FBXL20: variants seen among roughly 807,000 people sequenced by gnomAD.
FBXL20 encodes the protein F-box and leucine rich repeat protein 20.
Under a neutral mutation model 64.0 loss-of-function variants are expected in FBXL20, and 11 were observed. The observed-to-expected ratio is 0.17, with a 90% confidence interval of 0.11 to 0.28. The LOEUF is 0.28. Among genes scored for constraint, FBXL20 ranks in the 10% least tolerant of loss-of-function variants. The pLI is 1.00. For synonymous variants in FBXL20, 184 were observed against 189.0 expected, an observed-to-expected ratio of 0.97 and a Z score of 0.22; for missense variants, 303 against 526.2, an observed-to-expected ratio of 0.58 and a Z score of 4.15.
chr17:39,362,305 A>C (rs1163058081), intron 1 of FBXL20, among the ~76,000 whole-genome samples: 2 of 151,810 alleles, frequency 1.3e-5, no homozygotes, highest in Non-Finnish European at 2.9e-5. Flanking sequence ...AAAAAAAAGA[A>C]AAATGCTTTC....
At chr17:39,364,453 A>G (rs926383374) in intron 1 of FBXL20, among the ~76,000 whole-genome samples, 4 of 152,052 alleles carry the variant, frequency 2.6e-5, no homozygotes, top group Admixed American at 2.0e-4. Flanking sequence ...AAAAACAACA[A>G]CAAAAATTAT....
chr17:39,341,408 C>A (rs8079560), intron 2 of FBXL20, among the ~76,000 whole-genome samples: 1 of 151,876 alleles, frequency 6.6e-6, no homozygotes, highest in Non-Finnish European at 1.5e-5. Context: ...AGATAAAATA[C>A]CTCCAGTGTC....
At chr17:39,395,637 A>G (rs749785720) in intron 1 of FBXL20, among the ~76,000 whole-genome samples, 1 of 152,232 alleles carries the variant, frequency 6.6e-6, no homozygotes, top group South Asian at 2.1e-4. Flanking sequence ...CCCATTGCAA[A>G]GGTTTTCAAA....
intron 6 of FBXL20, among the ~76,000 whole-genome samples, chr17:39,289,381 G>A (rs2144408769): frequency 6.6e-6 from 1 of 152,328 alleles, no homozygotes; most frequent in East Asian, 1.9e-4. Context: ...TTTTAGGCCA[G>A]TCTCAGTGGC....
intron 2 of FBXL20, among the ~76,000 whole-genome samples, chr17:39,324,575 C>T (rs943978915): frequency 6.6e-6 from 1 of 152,148 alleles, no homozygotes; most frequent in Non-Finnish European, 1.5e-5. Flanking sequence ...TGAGCAATGG[C>T]GCCTGGCCCA....
At chr17:39,315,728 C>T (rs906102764) in intron 2 of FBXL20, among the ~76,000 whole-genome samples, 1 of 151,730 alleles carries the variant, frequency 6.6e-6, no homozygotes, top group Non-Finnish European at 1.5e-5. Context: ...AGAACCCAAG[C>T]AGGACTTTGT....
chr17:39,364,609 CAAAAAA>C (rs2047840770), intron 1 of FBXL20, among the ~76,000 whole-genome samples: 1 of 151,760 alleles, frequency 6.6e-6, no homozygotes, highest in South Asian at 2.1e-4. Context: ...GACCCTGTCT[CAAAAAA>C]GAAAAAGAAA....
intron 1 of FBXL20, among the ~76,000 whole-genome samples, chr17:39,365,019 A>AT (rs2047845440): frequency 6.6e-6 from 1 of 152,224 alleles, no homozygotes; most frequent in African/African-American, 2.4e-5. Flanking sequence ...AATTTCATAG[A>AT]TTAAGAAATT....
chr17:39,375,284 C>A (rs1263675213), intron 1 of FBXL20, among the ~76,000 whole-genome samples: 1 of 151,920 alleles, frequency 6.6e-6, no homozygotes, highest in East Asian at 1.9e-4. Context: ...AACTGGAGGT[C>A]AAAATAAGGT....
At chr17:39,393,167 T>C (rs1260655592) in intron 1 of FBXL20, among the ~76,000 whole-genome samples, 1 of 151,566 alleles carries the variant, frequency 6.6e-6, no homozygotes, top group Non-Finnish European at 1.5e-5. Flanking sequence ...CGGGCACCTG[T>C]AATCCCAGCT....
At chr17:39,390,390 G>A (rs146503778) in intron 1 of FBXL20, among the ~76,000 whole-genome samples, 1,634 of 151,946 alleles carry the variant, frequency 0.011, 27 homozygotes, top group African/African-American at 0.037. Context: ...GTGAAACCCC[G>A]TTTCTACTAA....
chr17:39,314,795 C>CTTT lies in FBXL20; in HGVS notation c.105-11159_105-11157dup, dbSNP rs59955109. Among the ~76,000 whole-genome samples, 218 of 125,956 alleles carry CTTT rather than the reference C, an allele frequency of 1.7e-3. 1 individual carries two copies. The highest frequency in any genetic ancestry group is 9.1e-3 in the Middle Eastern group (2 of 220). 82.6% of individuals were successfully genotyped at this position (125,956 alleles called of 152,430 possible). A position where few individuals can be genotyped will look rare whatever the true frequency, so the allele number is the denominator to read the frequency against. On this transcript the variant is annotated intron_variant, in intron 2 of 14. Transcript: ENST00000264658. ...GGTTTTAATTTCTCCATATCCTTTTCTTTTTTTTTTTTTTTTTTGAAATGG... is the reference window on the plus strand; with the variant it reads ...GGTTTTAATTTCTCCATATCCTTTTCTTTTTTTTTTTTTTTTTTTTTGAAATGG...
At chr17:39,388,823 C>T (rs1238641623) in intron 1 of FBXL20, among the ~76,000 whole-genome samples, 3 of 143,968 alleles carry the variant, frequency 2.1e-5, no homozygotes, top group South Asian at 2.5e-4. Context: ...TTAGATCTGC[C>T]GGGTGCAGTG....
At chr17:39,262,471 G>A (rs974079253) in intron 14 of FBXL20, among the ~76,000 whole-genome samples, 7 of 151,928 alleles carry the variant, frequency 4.6e-5, no homozygotes, top group African/African-American at 1.7e-4. Flanking sequence ...AGTTGAGATG[G>A]CATTTCGTCA....
intron 11 of FBXL20, among the ~76,000 whole-genome samples, chr17:39,269,263 G>A (rs542323276): frequency 6.6e-6 from 1 of 151,666 alleles, no homozygotes; most frequent in African/African-American, 2.4e-5. Context: ...GCATGATCTC[G>A]GCTCACGGCA....
chr17:39,302,615 T>C (rs1017498382), intron 3 of FBXL20, among the ~76,000 whole-genome samples: 3 of 152,140 alleles, frequency 2.0e-5, no homozygotes, highest in African/African-American at 7.2e-5. Context: ...CCTCATGATC[T>C]GCCCGCCTGG....
intron 9 of FBXL20, among the ~76,000 whole-genome samples, chr17:39,275,401 T>TTTTATTTA (rs550039792): frequency 3.3e-5 from 5 of 151,668 alleles, no homozygotes; most frequent in South Asian, 4.2e-4. Flanking sequence ...AATTAAATAA[T>TTTTATTTA]TTTATTTATT....
intron 2 of FBXL20, among the ~76,000 whole-genome samples, chr17:39,330,026 C>G (rs1030213710): frequency 1.3e-5 from 2 of 152,060 alleles, no homozygotes; most frequent in Non-Finnish European, 2.9e-5. Flanking sequence ...GGCGCGGTGG[C>G]TCATACCTGT....
chr17:39,370,429 G>A (rs181631806), intron 1 of FBXL20, among the ~76,000 whole-genome samples: 1 of 151,742 alleles, frequency 6.6e-6, no homozygotes, highest in Non-Finnish European at 1.5e-5. Flanking sequence ...GGCGGAGTTT[G>A]CAGTGAGCCA....
Sources: gnomAD v4.1 joint callset for allele counts (sites outside exome capture counted in the v4.1 genomes callset) on GRCh38, gnomAD v4.1.1 for gene constraint, MANE v1.5 for transcripts, NCBI Gene and HGNC (gene_info 2026-07-23, HGNC 2026-07-21) for gene names.